The following ERICH6 variants were observed in gnomAD, a reference collection of about 807,000 sequenced individuals.
ERICH6 encodes glutamate rich 6, also known as glutamate-rich protein 6.
In ERICH6, 71 loss-of-function variants were observed where a neutral mutation model predicts 71.0. The observed-to-expected ratio is 1.00, with a 90% CI of 0.83 to 1.22. ERICH6 has a LOEUF of 1.22. Ranked by LOEUF, ERICH6 falls within the 50% of genes most tolerant of loss-of-function variation. The pLI is 0.00. For synonymous variants in ERICH6, 262 were observed against 278.4 expected (o/e 0.94, Z 0.59); for missense variants, 808 against 797.2 (o/e 1.01, Z -0.16).
intron 7 of ERICH6, among the ~76,000 whole-genome samples, chr3:150,681,151 T>C (rs901517198): frequency 1.3e-5 from 2 of 152,214 alleles, no homozygotes; most frequent in Non-Finnish European, 2.9e-5. Context: ...ATCATCACAA[T>C]CAATTTTAGA....
At chr3:150,684,207 G>A (rs1055406004) in intron 6 of ERICH6, among the ~76,000 whole-genome samples, 1 of 152,170 alleles carries the variant, frequency 6.6e-6, no homozygotes. Flanking sequence ...GCAATATAGT[G>A]AGACCACATC....
Position 150,685,836 on chromosome 3 carries a change from A to G in ERICH6, c.689T>C (p.Leu230Pro). 1 of 1,613,966 alleles carries G rather than the reference A, an allele frequency of 6.2e-7. No homozygotes were observed. Among genetic ancestry groups the G allele is most frequent in the African/African-American group, 1.3e-5 (1 of 75,040 alleles). ...ELEFKEDFIT[L>P]FEPSLRTLPS... ...TAACGTTCTTAGAGAAGGCTCGAAC[A>G]GTGTTATGAAGTCTTCCTTAAACTA... The change falls in exon 6 of 14, where the codon CTG becomes CCG. Residue 230 changes from leucine (L) to proline (P), a missense_variant. Leu to Pro is a moderately conservative substitution (Grantham distance 98, BLOSUM62 -3). Transcript: ENST00000295910.
chr3:150,673,691 TG>T (rs1290025570), intron 11 of ERICH6, among the ~76,000 whole-genome samples: 1 of 152,164 alleles, frequency 6.6e-6, no homozygotes, highest in Non-Finnish European at 1.5e-5. Flanking sequence ...TGAGCCCAGA[TG>T]ATCCTTCTAC....
chr3:150,698,288 GT>G (rs1712727213), intron 3 of ERICH6, among the ~76,000 whole-genome samples: 1 of 152,080 alleles, frequency 6.6e-6, no homozygotes, highest in Non-Finnish European at 1.5e-5. Context: ...TATGATAGGT[GT>G]TTGGCAAATG....
At chr3:150,681,176 C>G (rs73152545) in intron 7 of ERICH6, among the ~76,000 whole-genome samples, 22,576 of 152,182 alleles carry the variant, frequency 0.15, 2,045 homozygotes, top group African/African-American at 0.25. Context: ...GAAACCTGTC[C>G]TCACTAACAG....
chr3:150,675,334 T>A (rs560024653), intron 10 of ERICH6, among the ~76,000 whole-genome samples: 1 of 152,270 alleles, frequency 6.6e-6, no homozygotes, highest in African/African-American at 2.4e-5. Context: ...TATAAAGTGA[T>A]CCTCTTATCT....
intron 3 of ERICH6, among the ~76,000 whole-genome samples, chr3:150,690,577 G>T (rs79375470): frequency 0.054 from 8,264 of 151,998 alleles, 298 homozygotes; most frequent in Non-Finnish European, 0.087. Flanking sequence ...TACTTTACCA[G>T]GAAAAAAGAA....
Position 150,685,765 on chromosome 3 carries a change from A to G in ERICH6, c.760T>C (p.Ser254Pro). The stretch of plus-strand genomic sequence containing the variant: ...ACCTTGAAGTTAATGCCTAAATTGG[A>G]GCTCTCTTCTTTGTATGCCAGAATG... The part of the protein sequence containing the change: ...PSILAYKEES[S>P]NLGINFKDEE... The change falls in exon 6 of 14, where the codon TCC becomes CCC. Residue 254 changes from serine to proline, a missense_variant. By Grantham distance (74) the Ser-to-Pro change is moderately conservative (BLOSUM62 -1). Transcript: ENST00000295910. 6.2e-7 allele frequency: 1 copy of G among 1,613,504 alleles called. No homozygotes were observed. Among genetic ancestry groups the G allele is most frequent in the Non-Finnish European group, 8.5e-7 (1 of 1,179,824 alleles).
intron 7 of ERICH6, 97 bp downstream of exon 7, chr3:150,682,120 CT>C: frequency 2.4e-5 from 26 of 1,084,216 alleles, no homozygotes; most frequent in Non-Finnish European, 3.5e-5. Flanking sequence ...CGGCCTAACT[CT>C]TTTAAAAATG....
chr3:150,674,808 T>C (rs1711587788), intron 10 of ERICH6, among the ~76,000 whole-genome samples: 1 of 152,038 alleles, frequency 6.6e-6, no homozygotes, highest in African/African-American at 2.4e-5. Flanking sequence ...CCCCAACCTT[T>C]TTTTTTTTTC....
chr3:150,685,503 A>G (rs1712142376), intron 6 of ERICH6, among the ~76,000 whole-genome samples: 1 of 152,206 alleles, frequency 6.6e-6, no homozygotes. Context: ...TCGAACTTCT[A>G]GTCTCCATAA....
In ERICH6 at chr3:150,679,833, T is replaced by G. The variant is rs181221950; in HGVS notation, c.1111+635A>C. Among the ~76,000 whole-genome samples, 98 of 152,164 alleles carry G rather than the reference T, an allele frequency of 6.4e-4. No individual in the cohort carries two copies. The East Asian group carries it at 0.018, about 28-fold the overall frequency. ...CCACCATGCCCAGCTAATTTTTGTA[T>G]TTTTAGTAGAGATGGGGTTTCACTA... On this transcript the variant is annotated intron_variant, in intron 9 of 13. Coordinates refer to ENST00000295910, the MANE Select transcript of ERICH6 (RefSeq NM_152394.5).
intron 13 of ERICH6, among the ~76,000 whole-genome samples, chr3:150,665,127 A>G (rs1386166927): frequency 2.6e-5 from 4 of 152,168 alleles, no homozygotes; most frequent in African/African-American, 9.7e-5. Flanking sequence ...TAACCAAGAA[A>G]GAAGTTTGTC....
Position 150,676,818 on chromosome 3 carries a change from A to AT in ERICH6, c.1257+1590dup, listed in dbSNP as rs1196531632. 1.6e-3 allele frequency among the ~76,000 whole-genome samples: 237 copies of AT among 144,950 alleles called. 1 individual carries two copies. Among genetic ancestry groups the AT allele is most frequent in the Middle Eastern group, 3.5e-3 (1 of 286 alleles). On this transcript the variant is annotated intron_variant, in intron 10 of 13. Transcript: ENST00000295910. ...TGCCCAGCTAATTAATTAAAAAAAA[A>AT]TTTTTTTTTTTTTGAGACAGAGTCC...
chr3:150,673,819 G>T, intron 11 of ERICH6, 137 bp downstream of exon 11: 1 of 683,532 alleles, frequency 1.5e-6, no homozygotes, highest in South Asian at 1.8e-5. Flanking sequence ...GAGCTCAAGT[G>T]ATCTGCCCAC....
At chr3:150,672,103 T>A (rs1347051090) in intron 11 of ERICH6, among the ~76,000 whole-genome samples, 3 of 152,042 alleles carry the variant, frequency 2.0e-5, no homozygotes, top group Non-Finnish European at 4.4e-5. Context: ...AAGTACTATG[T>A]GGTTATAAAA....
rs180729726 is a variant in ERICH6, at chr3:150,703,833, C to T, written c.66G>A (p.Glu22=). Residue 22 remains glutamate (E), a synonymous_variant, in exon 1 of 14, where the codon GAG becomes GAA. Transcript: ENST00000295910. ...DPGKKDQKES[E]EELEEEEEEE... is the part of the protein sequence containing the mutation. ...CCTCCTCCTCCTCCTCTAACTCCTC[C>T]TCTGACTCCTTCTGGTCCTTCTTCC... The T allele has an allele frequency of 7.4e-5, 120 of 1,613,952 alleles. No individual in the cohort carries two copies. In the East Asian group the frequency reaches 2.3e-3, roughly 31 times the overall value.
At chr3:150,675,833 CT>C (rs1302692890) in intron 10 of ERICH6, among the ~76,000 whole-genome samples, 1 of 146,728 alleles carries the variant, frequency 6.8e-6, no homozygotes, top group Non-Finnish European at 1.5e-5. Flanking sequence ...TCCTCTGCTA[CT>C]TCTAATAATT....
At chr3:150,672,676 G>A (rs80257689) in intron 11 of ERICH6, among the ~76,000 whole-genome samples, 6,307 of 146,464 alleles carry the variant, frequency 0.043, 447 homozygotes, top group African/African-American at 0.15. Context: ...ATTGCTCTTC[G>A]TGGAGCAGGG....
Sources: allele counts gnomAD v4.1 joint callset (sites outside exome capture counted in the v4.1 genomes callset), GRCh38; gene constraint gnomAD v4.1.1; transcripts MANE v1.5; gene names NCBI Gene and HGNC (gene_info 2026-07-23, HGNC 2026-07-21).